DPYSL3: variants seen among roughly 807,000 people sequenced by gnomAD.
The protein encoded by DPYSL3 is dihydropyrimidinase-related protein 3.
Under a neutral mutation model 66.1 loss-of-function variants are expected in DPYSL3, and 16 were observed. The ratio of observed to expected loss-of-function variants is 0.24; its 90% CI spans 0.16 to 0.37. The LOEUF is 0.37. Among genes scored for constraint, DPYSL3 ranks in the 10% least tolerant of loss-of-function variants. The pLI, the probability that DPYSL3 is intolerant of heterozygous loss-of-function variation, is 1.00. For synonymous variants in DPYSL3, 338 were observed against 345.1 expected (o/e 0.98, Z 0.23); for missense variants, 738 against 916.2 (o/e 0.81, Z 2.51).
chr5:147,495,478 T>A (rs1488974620), intron 1 of DPYSL3, among the ~76,000 whole-genome samples: 1 of 152,200 alleles, frequency 6.6e-6, no homozygotes, highest in African/African-American at 2.4e-5. Flanking sequence ...GCAGATGACA[T>A]GATTGTATAT....
At chr5:147,439,504 A>G (rs535512858) in intron 1 of DPYSL3, among the ~76,000 whole-genome samples, 1 of 152,202 alleles carries the variant, frequency 6.6e-6, no homozygotes, top group African/African-American at 2.4e-5. Context: ...AGGCAGGGCC[A>G]CTCCACATGG....
intron 1 of DPYSL3, among the ~76,000 whole-genome samples, chr5:147,497,856 C>T (rs1282730585): frequency 6.6e-6 from 1 of 152,128 alleles, no homozygotes; most frequent in Non-Finnish European, 1.5e-5. Flanking sequence ...GGCAAAGACA[C>T]ACTTTTTCAC....
Position 147,412,592 on chromosome 5 carries a change from A to T in DPYSL3, c.963+16T>A. Reference sequence around the variant, plus strand: ...TGCAGACCCAAAGCACGCTCCAGGGAGCTGCACGGTGTTACCTGGGCAATG... The same window carrying T: ...TGCAGACCCAAAGCACGCTCCAGGGTGCTGCACGGTGTTACCTGGGCAATG... On this transcript the variant is annotated intron_variant, in intron 6 of 13. Coordinates refer to ENST00000343218, the MANE Select transcript of DPYSL3 (RefSeq NM_001197294.2). The T allele has an allele frequency of 6.2e-7, 1 of 1,608,312 alleles. No individual in the cohort carries two copies.
chr5:147,453,859 C>A, intron 1 of DPYSL3: 4 of 644,966 alleles, frequency 6.2e-6, no homozygotes, highest in Non-Finnish European at 8.2e-6. Context: ...TTTTTTTTTT[C>A]TTTTGCTGCG....
chr5:147,394,211 T>A, intron 13 of DPYSL3, 88 bp from the exon 14 acceptor site: 1 of 1,363,558 alleles, frequency 7.3e-7, no homozygotes, highest in Non-Finnish European at 1.0e-6. Flanking sequence ...GGGTTAATTT[T>A]AAGAGTGCAA....
chr5:147,462,952 A>G (rs1360461983), intron 1 of DPYSL3, among the ~76,000 whole-genome samples: 1 of 152,140 alleles, frequency 6.6e-6, no homozygotes, highest in Non-Finnish European at 1.5e-5. Context: ...CAGGGTCATC[A>G]AGTGACCACG....
intron 1 of DPYSL3, among the ~76,000 whole-genome samples, chr5:147,470,960 C>T (rs1000241616): frequency 1.3e-5 from 2 of 152,190 alleles, no homozygotes; most frequent in Admixed American, 6.5e-5. Flanking sequence ...TTCCCTTGGA[C>T]TCCTTGAGGA....
At chr5:147,448,349 A>G (rs558087195) in intron 1 of DPYSL3, among the ~76,000 whole-genome samples, 1 of 152,320 alleles carries the variant, frequency 6.6e-6, no homozygotes, top group South Asian at 2.1e-4. Flanking sequence ...CCTGTGTCGG[A>G]CTGTCAGAGA....
At chr5:147,413,739 C>A (rs891194580) in intron 4 of DPYSL3, 82 bp from the exon 5 acceptor site, 2 of 1,116,154 alleles carry the variant, frequency 1.8e-6, no homozygotes, top group Admixed American at 1.9e-5. Context: ...CCACTTCCAT[C>A]GACCATAGCA....
chr5:147,487,454 G>A (rs1202189564), intron 1 of DPYSL3, among the ~76,000 whole-genome samples: 1 of 152,140 alleles, frequency 6.6e-6, no homozygotes, highest in African/African-American at 2.4e-5. Context: ...ATATCAAAAA[G>A]TTGCTATGAC....
rs555489063 is a variant in DPYSL3, at chr5:147,453,433, C to G, written c.382-28470G>C. 13 of 1,373,066 alleles carry G rather than the reference C, an allele frequency of 9.5e-6. No homozygotes were observed. In the South Asian group the frequency reaches 1.8e-4, roughly 19 times the overall value. The allele number at this position is 1,373,066 out of a possible 1,614,324, so 85.1% of individuals were successfully genotyped here. A position where few individuals can be genotyped will look rare whatever the true frequency, so the allele number is the denominator to read the frequency against. ...GCTCCGCCACCCGGACCCCGGGTCT[C>G]CGTCCCTCCCCGGGGACCAGGCCAG... is the stretch of plus-strand genomic sequence containing the variant. On this transcript the variant is annotated intron_variant, in intron 1 of 13. Transcript: ENST00000343218.
intron 4 of DPYSL3, 78 bp from the exon 5 acceptor site, chr5:147,413,735 C>A: frequency 8.6e-7 from 1 of 1,169,232 alleles, no homozygotes; most frequent in South Asian, 1.3e-5. Flanking sequence ...GCTCCCACTT[C>A]CATCGACCAT....
At chr5:147,471,814 G>A (rs529174313) in intron 1 of DPYSL3, among the ~76,000 whole-genome samples, 51 of 152,256 alleles carry the variant, frequency 3.3e-4, no homozygotes, top group African/African-American at 1.1e-3. Flanking sequence ...GAGCGTGAGA[G>A]AATAGATTGA....
chr5:147,452,532 G>A (rs1179956984), intron 1 of DPYSL3, among the ~76,000 whole-genome samples: 1 of 151,950 alleles, frequency 6.6e-6, no homozygotes, highest in East Asian at 2.0e-4. Context: ...AAAAACGTTA[G>A]TTTTTATTTA....
At chr5:147,404,911 A>G (rs1271164398) in intron 8 of DPYSL3, among the ~76,000 whole-genome samples, 1 of 151,958 alleles carries the variant, frequency 6.6e-6, no homozygotes, top group South Asian at 2.1e-4. Context: ...AATCCTGGCC[A>G]GATTATATCA....
intron 1 of DPYSL3, among the ~76,000 whole-genome samples, chr5:147,447,378 G>A (rs1234743430): frequency 6.6e-6 from 1 of 152,128 alleles, no homozygotes; most frequent in Non-Finnish European, 1.5e-5. Flanking sequence ...CCTGTGTTTC[G>A]TATATTGAAA....
intron 1 of DPYSL3, among the ~76,000 whole-genome samples, chr5:147,466,895 C>G (rs1045828583): frequency 6.6e-6 from 1 of 152,158 alleles, no homozygotes; most frequent in Non-Finnish European, 1.5e-5. Flanking sequence ...GCCTGAGAGT[C>G]TAGACACAGA....
Position 147,413,954 on chromosome 5 carries a change from T to C in DPYSL3, c.821-297A>G, listed in dbSNP as rs1440450945. On this transcript the variant is annotated intron_variant, in intron 4 of 13. Transcript: ENST00000343218. ...GAAGGTCAATAAACTTTGTTATTGC[T>C]CAAGGCAGTAGTAGGTGGCATTAAG... 2.0e-5 allele frequency among the ~76,000 whole-genome samples: 3 copies of C among 152,166 alleles called. 1 individual carries two copies. The highest frequency in any genetic ancestry group is 4.4e-5 in the Non-Finnish European group (3 of 68,034).
chr5:147,408,688 T>C, intron 7 of DPYSL3, 40 bp downstream of exon 7: 1 of 1,601,866 alleles, frequency 6.2e-7, no homozygotes, highest in East Asian at 2.2e-5. Flanking sequence ...ACAATGTTTA[T>C]TCATGCGTTG....
Sources: gnomAD v4.1 joint callset for allele counts (sites outside exome capture counted in the v4.1 genomes callset) on GRCh38, gnomAD v4.1.1 for gene constraint, MANE v1.5 for transcripts, NCBI Gene and HGNC (gene_info 2026-07-23, HGNC 2026-07-21) for gene names.